The following LMBRD2 variants were observed in gnomAD, a reference collection of about 807,000 sequenced individuals.
LMBRD2 encodes the protein LMBR1 domain containing 2.
A neutral mutation model predicts 94.4 loss-of-function variants in LMBRD2; 55 were observed. That is an observed-to-expected ratio of 0.58 (90% CI 0.47 to 0.73). LMBRD2 has a LOEUF of 0.73. LMBRD2 is among the 30% of genes least tolerant of loss of function. The pLI is 0.00. For synonymous variants in LMBRD2, 246 were observed against 272.4 expected, an observed-to-expected ratio of 0.90 and a Z score of 0.95; for missense variants, 640 against 831.9, an observed-to-expected ratio of 0.77 and a Z score of 2.84.
intron 6 of LMBRD2, among the ~76,000 whole-genome samples, chr5:36,128,517 T>C (rs1248155229): frequency 6.6e-6 from 1 of 151,682 alleles, no homozygotes; most frequent in African/African-American, 2.4e-5. Flanking sequence ...GCTCAGGAGT[T>C]TGAGAACAGC....
In LMBRD2 at chr5:36,143,170, C is replaced by T. The variant is rs1303355185; in HGVS notation, c.174+6G>A. Reference sequence around the variant, plus strand: ...TTAAATTGTGAAAATAAATTTCACTCCTTACCGTACTAACATCCAGAGGCA... The same window carrying T: ...TTAAATTGTGAAAATAAATTTCACTTCTTACCGTACTAACATCCAGAGGCA... On this transcript the variant is annotated splice_donor_region_variant and intron_variant, in intron 2 of 17. Coordinates refer to ENST00000296603, the MANE Select transcript of LMBRD2 (RefSeq NM_001007527.2). 1 of 1,570,252 alleles carries T rather than the reference C, an allele frequency of 6.4e-7. No homozygotes were observed.
chr5:36,146,927 T>A (rs155546), intron 1 of LMBRD2, among the ~76,000 whole-genome samples: 59,804 of 117,716 alleles, frequency 0.51, 12,333 homozygotes, highest in African/African-American at 0.55. Flanking sequence ...TCTGCGTGTG[T>A]GTGTGTGTGT....
At chr5:36,136,866 G>C (rs927674555) in intron 5 of LMBRD2, among the ~76,000 whole-genome samples, 2 of 151,974 alleles carry the variant, frequency 1.3e-5, no homozygotes, top group African/African-American at 4.8e-5. Flanking sequence ...GTATAAAACA[G>C]ATTTCAATTT....
Position 36,136,238 on chromosome 5 carries a change from A to C in LMBRD2, c.747+71T>G. On this transcript the variant is annotated intron_variant, in intron 6 of 17. Coordinates refer to ENST00000296603, the MANE Select transcript of LMBRD2 (RefSeq NM_001007527.2). ...CCATCAATGCACTAACAACAACAAC[A>C]AACCAAAAATGACTAAAAGGGGATA... The C allele has an allele frequency of 2.1e-6, 3 of 1,459,486 alleles. No homozygotes were observed. In the South Asian group the frequency reaches 3.4e-5, roughly 17 times the overall value. 90.4% of individuals were successfully genotyped at this position (1,459,486 alleles called of 1,614,324 possible).
Position 36,136,641 on chromosome 5 carries a change from A to C in LMBRD2, c.537-122T>G, listed in dbSNP as rs576335021. 1.4e-5 allele frequency: 10 copies of C among 731,812 alleles called. No homozygotes were observed. In the South Asian group the frequency reaches 1.8e-4, roughly 13 times the overall value. 45.3% of individuals were successfully genotyped at this position (731,812 alleles called of 1,614,324 possible). On this transcript the variant is annotated intron_variant, in intron 5 of 17. Coordinates refer to ENST00000296603, the MANE Select transcript of LMBRD2 (RefSeq NM_001007527.2). Reference sequence around the variant, plus strand: ...TGCAGTTAAAATTAGCATCTAGAATAATTCATGGCAATAATATGTATATAT... The same window carrying C: ...TGCAGTTAAAATTAGCATCTAGAATCATTCATGGCAATAATATGTATATAT...
rs1459578662 is a variant in LMBRD2, at chr5:36,142,613, T to C, written c.175-14A>G. 1.3e-6 allele frequency: 2 copies of C among 1,483,010 alleles called. No individual in the cohort carries two copies. Among genetic ancestry groups the C allele is most frequent in the Non-Finnish European group, 1.9e-6 (2 of 1,061,086 alleles). The allele number at this position is 1,483,010 out of a possible 1,614,324, so 91.9% of individuals were successfully genotyped here. On this transcript the variant is annotated splice_polypyrimidine_tract_variant and intron_variant, in intron 2 of 17. Coordinates refer to ENST00000296603, the MANE Select transcript of LMBRD2 (RefSeq NM_001007527.2). The stretch of plus-strand genomic sequence containing the variant: ...GTTGTATATTGTCTAAAGCAACGAA[T>C]GTATGGTTTAAAAATGAGAATCAAA...
rs1459578662 is a variant in LMBRD2 at position 36,142,613 on chromosome 5, T to A, written c.175-14A>T. On this transcript the variant is annotated splice_polypyrimidine_tract_variant and intron_variant, in intron 2 of 17. Transcript: ENST00000296603. ...GTTGTATATTGTCTAAAGCAACGAA[T>A]GTATGGTTTAAAAATGAGAATCAAA... is the stretch of plus-strand genomic sequence containing the variant. The A allele has an allele frequency of 6.7e-7, 1 of 1,482,894 alleles. No homozygotes were observed. Among genetic ancestry groups the A allele is most frequent in the Non-Finnish European group, 9.4e-7 (1 of 1,061,094 alleles). 91.9% of individuals were successfully genotyped at this position (1,482,894 alleles called of 1,614,324 possible).
intron 16 of LMBRD2, among the ~76,000 whole-genome samples, chr5:36,105,692 C>G (rs1456217144): frequency 6.6e-6 from 1 of 152,080 alleles, no homozygotes; most frequent in Non-Finnish European, 1.5e-5. Flanking sequence ...TTTCTAGTAG[C>G]TATATTAAAA....
At chr5:36,129,036 A>G (rs1189716272) in intron 6 of LMBRD2, among the ~76,000 whole-genome samples, 1 of 152,226 alleles carries the variant, frequency 6.6e-6, no homozygotes, top group Non-Finnish European at 1.5e-5. Context: ...ACACTTGAAA[A>G]TTTGGCTATT....
chr5:36,133,545 T>C (rs1403865868), intron 6 of LMBRD2, among the ~76,000 whole-genome samples: 1 of 152,108 alleles, frequency 6.6e-6, no homozygotes, highest in Admixed American at 6.6e-5. Context: ...GTGAAGAGCA[T>C]GTACGAAAAT....
Position 36,105,305 on chromosome 5 carries a change from A to G in LMBRD2, c.1898-108T>C. On this transcript the variant is annotated intron_variant, in intron 16 of 17. Transcript: ENST00000296603. ...AATCAAAATTCCAAGGAATCTGAAG[A>G]CAAAGAACATAAGAAAAGATAACTA... is the stretch of plus-strand genomic sequence containing the variant. The G allele has an allele frequency of 3.2e-6, 3 of 944,062 alleles. No individual in the cohort carries two copies. In the South Asian group the frequency reaches 5.1e-5, roughly 16 times the overall value. The allele number at this position is 944,062 out of a possible 1,614,324, so 58.5% of individuals were successfully genotyped here. A position where few individuals can be genotyped will look rare whatever the true frequency, so the allele number is the denominator to read the frequency against.
In LMBRD2 at chr5:36,101,966, T is replaced by C. The variant is rs1743355017; in HGVS notation, c.*2080A>G. On this transcript the variant is annotated 3_prime_UTR_variant, in exon 18 of 18. Coordinates refer to ENST00000296603, the MANE Select transcript of LMBRD2 (RefSeq NM_001007527.2). ...TTTCTTTTCCTTTTCTGCTTCTGTT[T>C]CAACAACAGCATCTTAATTTCATGA... The C allele has an allele frequency of 6.6e-6, 1 of 151,928 alleles. No homozygotes were observed. Among genetic ancestry groups the C allele is most frequent in the African/African-American group, 2.4e-5 (1 of 41,436 alleles). 9.4% of individuals were successfully genotyped at this position (151,928 alleles called of 1,614,324 possible).
Position 36,151,840 on chromosome 5 carries a change from C to T in LMBRD2, c.-342G>A. On this transcript the variant is annotated 5_prime_UTR_variant, in exon 1 of 18. Transcript: ENST00000296603. The surrounding 1 kb of genome is among the most constrained non-coding windows in gnomAD (Gnocchi z 4.7). ...GATCACCAGAAGGCCTGCGGGCTCCCGAGAAAGGAAAATCCGTCTACAGTC... is the reference window on the plus strand; with the variant it reads ...GATCACCAGAAGGCCTGCGGGCTCCTGAGAAAGGAAAATCCGTCTACAGTC... 4.8e-6 allele frequency: 1 copy of T among 208,566 alleles called. No individual in the cohort carries two copies. The highest frequency in any genetic ancestry group is 7.2e-5 in the South Asian group (1 of 13,894). 12.9% of individuals were successfully genotyped at this position (208,566 alleles called of 1,614,324 possible).
chr5:36,102,210 GCA>G lies in LMBRD2; in HGVS notation c.*1834_*1835del, dbSNP rs1743361213. 6.6e-6 allele frequency: 1 copy of G among 151,816 alleles called. No homozygotes were observed. Among genetic ancestry groups the G allele is most frequent in the African/African-American group, 2.4e-5 (1 of 41,404 alleles). 9.4% of individuals were successfully genotyped at this position (151,816 alleles called of 1,614,324 possible). On this transcript the variant is annotated 3_prime_UTR_variant, in exon 18 of 18. Coordinates refer to ENST00000296603, the MANE Select transcript of LMBRD2 (RefSeq NM_001007527.2). ...CCTTCAAGTATCACTAGGAAAAATA[GCA>G]CAGTTATAAACTCCAGTACATAAAC...
At chr5:36,140,712 A>G (rs1419924422) in intron 4 of LMBRD2, among the ~76,000 whole-genome samples, 4 of 152,218 alleles carry the variant, frequency 2.6e-5, no homozygotes, top group African/African-American at 4.8e-5. Context: ...AGAGAAAGCC[A>G]TAAAGAGGAC....
chr5:36,106,509 G>GGTTTTTTTTTTTTTTTTTTTTT (rs1491451301), intron 16 of LMBRD2, among the ~76,000 whole-genome samples: 1 of 119,410 alleles, frequency 8.4e-6, no homozygotes, highest in African/African-American at 3.6e-5. Context: ...TTTTTCTTTC[G>GGTTTTTTTTTTTTTTTTTTTTT]TTTTTTTTTT....
At chr5:36,145,860 A>G (rs930082716) in intron 1 of LMBRD2, among the ~76,000 whole-genome samples, 12 of 152,258 alleles carry the variant, frequency 7.9e-5, no homozygotes, top group Admixed American at 5.2e-4. Context: ...TAATAACATC[A>G]GAAAATTACC....
At chr5:36,125,320 G>A (rs1262176474) in intron 6 of LMBRD2, among the ~76,000 whole-genome samples, 1 of 152,132 alleles carries the variant, frequency 6.6e-6, no homozygotes, top group Non-Finnish European at 1.5e-5. Context: ...ACATTCTGGG[G>A]CATAGAGTAG....
At chr5:36,114,597 G>A (rs570775233) in intron 12 of LMBRD2, 76 bp from the exon 13 acceptor site, 2 of 1,418,802 alleles carry the variant, frequency 1.4e-6, no homozygotes, top group Non-Finnish European at 1.8e-6. Flanking sequence ...TAGAAAATTT[G>A]CCTATAACCA....
Sources: gnomAD v4.1 joint callset for allele counts (sites outside exome capture counted in the v4.1 genomes callset) on GRCh38, gnomAD v4.1.1 for gene constraint, Gnocchi (gnomAD v3.1) non-coding constraint, MANE v1.5 for transcripts, NCBI Gene and HGNC (gene_info 2026-07-23, HGNC 2026-07-21) for gene names.